The following CA10 variants were observed in gnomAD, a reference collection of about 807,000 sequenced individuals.
The protein encoded by CA10 is carbonic anhydrase 10 (inactive).
CA10 carries 14 observed loss-of-function variants against 44.2 expected under a neutral mutation model. That is an observed-to-expected ratio of 0.32 (90% CI 0.21 to 0.50). The LOEUF (loss-of-function observed/expected upper bound fraction) is 0.50. Among genes scored for constraint, CA10 ranks in the 20% least tolerant of loss-of-function variants. The pLI, the probability that CA10 is intolerant of heterozygous loss-of-function variation, is 0.99. For synonymous variants in CA10, 159 were observed against 141.6 expected (o/e 1.12, Z -0.87); for missense variants, 350 against 409.7 (o/e 0.85, Z 1.26).
intron 1 of CA10, among the ~76,000 whole-genome samples, chr17:52,097,144 G>A (rs977706665): frequency 1.3e-5 from 2 of 151,936 alleles, no homozygotes; most frequent in African/African-American, 2.4e-5. Context: ...CTGAGAAGCA[G>A]GATTGCTTAA....
At chr17:51,747,490 A>G in intron 4 of CA10, 143 bp downstream of exon 4, 2 of 649,056 alleles carry the variant, frequency 3.1e-6, no homozygotes, top group Non-Finnish European at 5.2e-6. Flanking sequence ...TTTGCAAAAG[A>G]CAGATGGAGA....
intron 1 of CA10, among the ~76,000 whole-genome samples, chr17:52,103,988 C>T (rs1988599631): frequency 1.3e-5 from 2 of 152,316 alleles, no homozygotes; most frequent in East Asian, 1.9e-4. Flanking sequence ...AGTTCTGTGG[C>T]CTTGGGCCAA....
intron 4 of CA10, among the ~76,000 whole-genome samples, chr17:51,720,095 T>C (rs1388431992): frequency 6.6e-6 from 1 of 152,170 alleles, no homozygotes; most frequent in Non-Finnish European, 1.5e-5. Context: ...TTGGTTTTTG[T>C]CTGTGGTTCT....
intron 2 of CA10, among the ~76,000 whole-genome samples, chr17:52,053,114 C>G (rs1234805834): frequency 1.3e-5 from 2 of 152,034 alleles, no homozygotes; most frequent in Admixed American, 1.3e-4. Flanking sequence ...CATATCACTT[C>G]CTAATGTTTT....
At chr17:51,831,278 TC>T (rs1003094917) in intron 3 of CA10, among the ~76,000 whole-genome samples, 112 of 152,352 alleles carry the variant, frequency 7.4e-4, no homozygotes, top group African/African-American at 2.6e-3. Context: ...AGTCTGCAAG[TC>T]CCCTAACATC....
intron 2 of CA10, among the ~76,000 whole-genome samples, chr17:52,032,311 G>T (rs1431901777): frequency 6.6e-6 from 1 of 152,042 alleles, no homozygotes; most frequent in Non-Finnish European, 1.5e-5. Flanking sequence ...TTTTCATTCT[G>T]CAAGGAATCT....
chr17:52,005,604 G>A (rs1232407553), intron 2 of CA10, among the ~76,000 whole-genome samples: 6 of 151,980 alleles, frequency 3.9e-5, no homozygotes, highest in African/African-American at 1.2e-4. Flanking sequence ...GAGAACAGCT[G>A]TCAAAGCCAT....
At chr17:52,110,529 C>T (rs73353497) in intron 1 of CA10, among the ~76,000 whole-genome samples, 1,578 of 152,294 alleles carry the variant, frequency 0.01, 40 homozygotes, top group African/African-American at 0.036. Flanking sequence ...AGGTTGGGCT[C>T]TCTAGAGTTA....
chr17:51,923,446 T>A (rs1340282160), intron 3 of CA10, among the ~76,000 whole-genome samples: 2 of 152,192 alleles, frequency 1.3e-5, no homozygotes, highest in Non-Finnish European at 2.9e-5. Flanking sequence ...TGCTAATTAA[T>A]CATTTCTTAA....
At chr17:51,969,625 C>T (rs1311956788) in intron 2 of CA10, among the ~76,000 whole-genome samples, 7 of 151,946 alleles carry the variant, frequency 4.6e-5, no homozygotes. Context: ...AAGAAACAGC[C>T]CAGTTCTTAT....
intron 1 of CA10, among the ~76,000 whole-genome samples, chr17:52,093,539 C>T (rs1183203140): frequency 6.6e-6 from 1 of 152,110 alleles, no homozygotes; most frequent in Non-Finnish European, 1.5e-5. Context: ...CTTTGCTTCC[C>T]TGTGGGGTTT....
intron 3 of CA10, among the ~76,000 whole-genome samples, chr17:51,828,119 T>C (rs941128390): frequency 4.6e-5 from 7 of 152,310 alleles, no homozygotes; most frequent in African/African-American, 1.7e-4. Flanking sequence ...GTCACTGAGA[T>C]TGTAGAATTC....
chr17:51,936,077 C>T (rs1214917651), intron 2 of CA10, among the ~76,000 whole-genome samples: 2 of 152,116 alleles, frequency 1.3e-5, no homozygotes, highest in East Asian at 3.9e-4. Context: ...TTGCTAAGTC[C>T]TATGGCAACA....
chr17:51,707,765 C>T (rs1915808702), intron 4 of CA10, among the ~76,000 whole-genome samples: 1 of 150,780 alleles, frequency 6.6e-6, no homozygotes, highest in South Asian at 2.1e-4. Flanking sequence ...CTCATGACCA[C>T]ATTTGAAGCT....
intron 1 of CA10, among the ~76,000 whole-genome samples, chr17:52,113,467 A>G (rs958137616): frequency 2.0e-5 from 3 of 152,218 alleles, no homozygotes; most frequent in Non-Finnish European, 2.9e-5. Context: ...GAGAAATTCA[A>G]TGTGGTAAAA....
intron 3 of CA10, among the ~76,000 whole-genome samples, chr17:51,755,888 T>C (rs892416805): frequency 1.3e-5 from 2 of 152,174 alleles, no homozygotes; most frequent in Non-Finnish European, 2.9e-5. Flanking sequence ...TCAAAGTCAC[T>C]GTAGAGAGGG....
chr17:51,976,755 TG>T (rs1417956525), intron 2 of CA10, among the ~76,000 whole-genome samples: 11 of 144,802 alleles, frequency 7.6e-5, no homozygotes, highest in East Asian at 2.1e-4. Flanking sequence ...AAAATGAGAG[TG>T]AAAAAAAGAC....
chr17:51,660,388 C>A (rs1289489541), intron 4 of CA10, among the ~76,000 whole-genome samples: 1 of 152,218 alleles, frequency 6.6e-6, no homozygotes, highest in Non-Finnish European at 1.5e-5. Context: ...GGTAACTCAG[C>A]TTTCAAGCTA....
At chr17:51,731,207 T>C (rs1310429748) in intron 4 of CA10, among the ~76,000 whole-genome samples, 1 of 152,106 alleles carries the variant, frequency 6.6e-6, no homozygotes, top group African/African-American at 2.4e-5. Flanking sequence ...TGAAACCCCA[T>C]CTCTACTAAA....
Sources: gnomAD v4.1 joint callset for allele counts (sites outside exome capture counted in the v4.1 genomes callset) on GRCh38, gnomAD v4.1.1 for gene constraint, MANE v1.5 for transcripts, NCBI Gene and HGNC (gene_info 2026-07-23, HGNC 2026-07-21) for gene names.